The following PAFAH1B1 variants were observed in gnomAD, a reference collection of about 807,000 sequenced individuals.
The protein encoded by PAFAH1B1 is platelet activating factor acetylhydrolase 1b regulatory subunit 1.
Under a neutral mutation model 57.5 loss-of-function variants are expected in PAFAH1B1, and 2 were observed. The ratio of observed to expected loss-of-function variants is 0.03; its 90% CI spans 0.01 to 0.11. The LOEUF (loss-of-function observed/expected upper bound fraction) is 0.11. Ranked by LOEUF, PAFAH1B1 falls within the 10% of genes least tolerant of loss-of-function variation. PAFAH1B1 has a pLI of 1.00. For missense variants in PAFAH1B1, 257 were observed against 512.0 expected, an observed-to-expected ratio of 0.50 and a Z score of 4.81; for synonymous variants, 152 against 169.6, an observed-to-expected ratio of 0.90 and a Z score of 0.81.
chr17:2,672,534 C>A, intron 6 of PAFAH1B1, 121 bp from the exon 7 acceptor site: 1 of 705,182 alleles, frequency 1.4e-6, no homozygotes, highest in South Asian at 1.5e-5. Flanking sequence ...GTATAAAATC[C>A]AGTGTATTTA....
chr17:2,673,484 A>G (rs931947889), intron 7 of PAFAH1B1, among the ~76,000 whole-genome samples: 1 of 151,364 alleles, frequency 6.6e-6, no homozygotes, highest in Non-Finnish European at 1.5e-5. Context: ...CTAAAAATAC[A>G]AAAAATTAGC....
chr17:2,666,369 A>G (rs2069106880), intron 4 of PAFAH1B1, among the ~76,000 whole-genome samples: 1 of 152,334 alleles, frequency 6.6e-6, no homozygotes, highest in South Asian at 2.1e-4. Context: ...GAAAGAATAC[A>G]TGGAGCCATT....
At chr17:2,607,919 CAA>C (rs905218258) in intron 1 of PAFAH1B1, among the ~76,000 whole-genome samples, 11 of 152,102 alleles carry the variant, frequency 7.2e-5, no homozygotes, top group African/African-American at 2.2e-4. Flanking sequence ...TATCTATAAA[CAA>C]TATATAGTAG....
intron 2 of PAFAH1B1, among the ~76,000 whole-genome samples, chr17:2,643,456 G>T (rs1485798417): frequency 2.0e-5 from 3 of 151,942 alleles, no homozygotes; most frequent in Non-Finnish European, 4.4e-5. Flanking sequence ...TGTAGAGATG[G>T]TCTCACTATG....
At chr17:2,624,428 G>A (rs1229658428) in intron 1 of PAFAH1B1, among the ~76,000 whole-genome samples, 1 of 152,124 alleles carries the variant, frequency 6.6e-6, no homozygotes, top group Non-Finnish European at 1.5e-5. Context: ...CCCGAAACTG[G>A]GAACAAGAAA....
chr17:2,652,424 A>C (rs2068874693), intron 2 of PAFAH1B1, among the ~76,000 whole-genome samples: 1 of 152,246 alleles, frequency 6.6e-6, no homozygotes, highest in Non-Finnish European at 1.5e-5. Context: ...CAAACAAAAC[A>C]AAACAAAAAC....
At chr17:2,647,926 C>T (rs1201479562) in intron 2 of PAFAH1B1, among the ~76,000 whole-genome samples, 5 of 151,986 alleles carry the variant, frequency 3.3e-5, no homozygotes, top group African/African-American at 1.2e-4. Context: ...ATGGGGTGAA[C>T]CCGGGAGGCA....
rs1320280047 is a variant in PAFAH1B1 at position 2,684,432 on chromosome 17, T to C, written c.*2630T>C. The C allele has an allele frequency of 6.6e-6, 1 of 152,620 alleles. No individual in the cohort carries two copies. The highest frequency in any genetic ancestry group is 2.4e-5 in the African/African-American group (1 of 41,432). The allele number at this position is 152,620 out of a possible 1,614,324, so 9.5% of individuals were successfully genotyped here. On this transcript the variant is annotated 3_prime_UTR_variant, in exon 11 of 11. Transcript: ENST00000397195. Reference sequence around the variant, plus strand: ...GGACTTTTATTAATTGGTTTAGAGGTTCACTGCTGCTTTGTCACTTTCTCA... The same window carrying C: ...GGACTTTTATTAATTGGTTTAGAGGCTCACTGCTGCTTTGTCACTTTCTCA...
chr17:2,656,893 TTC>T (rs2068943137), intron 2 of PAFAH1B1, among the ~76,000 whole-genome samples: 1 of 152,122 alleles, frequency 6.6e-6, no homozygotes, highest in Non-Finnish European at 1.5e-5. Context: ...TTCTAGCCAT[TTC>T]TCTCATTATT....
chr17:2,645,116 A>C (rs1420080374), intron 2 of PAFAH1B1, among the ~76,000 whole-genome samples: 1 of 152,034 alleles, frequency 6.6e-6, no homozygotes, highest in African/African-American at 2.4e-5. Context: ...TTGTGGTGGC[A>C]GGCACCTGTA....
chr17:2,595,592 A>G (rs982643514), intron 1 of PAFAH1B1, among the ~76,000 whole-genome samples: 2 of 152,110 alleles, frequency 1.3e-5, no homozygotes, highest in African/African-American at 4.8e-5. Context: ...TTTAATCTCT[A>G]ATGGGTGTCT....
intron 2 of PAFAH1B1, among the ~76,000 whole-genome samples, chr17:2,660,110 A>G (rs1313833570): frequency 6.6e-6 from 1 of 151,458 alleles, no homozygotes; most frequent in Non-Finnish European, 1.5e-5. Context: ...ACCTTCCCAG[A>G]GCCTTCAACA....
At chr17:2,668,421 T>C (rs973700200) in intron 5 of PAFAH1B1, among the ~76,000 whole-genome samples, 3 of 152,118 alleles carry the variant, frequency 2.0e-5, no homozygotes, top group Non-Finnish European at 4.4e-5. Flanking sequence ...GTGTGGTAGC[T>C]CATGCCTATA....
At chr17:2,669,143 C>T (rs1454164480) in intron 5 of PAFAH1B1, among the ~76,000 whole-genome samples, 1 of 151,988 alleles carries the variant, frequency 6.6e-6, no homozygotes, top group African/African-American at 2.4e-5. Flanking sequence ...CTTTTTGACC[C>T]ACTAATTGTT....
At chr17:2,634,729 G>C (rs2068599763) in intron 1 of PAFAH1B1, among the ~76,000 whole-genome samples, 1 of 151,844 alleles carries the variant, frequency 6.6e-6, no homozygotes, top group African/African-American at 2.4e-5. Context: ...ATAAAGACCT[G>C]AGTTTATTTT....
rs2068534359 is a variant in PAFAH1B1, at chr17:2,629,877, GT to G, written c.-190-8218del. On this transcript the variant is annotated intron_variant, in intron 1 of 10. Transcript: ENST00000397195. ...TTTAACCGCTGTTGCTTTAAAATTT[GT>G]TTTGTCTGATATGAGAATAGCTGCC... Among the ~76,000 whole-genome samples, 3 of 152,196 alleles carry G rather than the reference GT, an allele frequency of 2.0e-5. No homozygotes were observed. The South Asian group carries it at 6.2e-4, about 31-fold the overall frequency.
At chr17:2,621,620 T>G (rs1265693085) in intron 1 of PAFAH1B1, among the ~76,000 whole-genome samples, 1 of 66,088 alleles carries the variant, frequency 1.5e-5, no homozygotes, top group Non-Finnish European at 3.3e-5. Context: ...TTTTTTTTTT[T>G]TTTTTTTTTT....
intron 1 of PAFAH1B1, among the ~76,000 whole-genome samples, chr17:2,629,993 C>T (rs2068535646): frequency 6.6e-6 from 1 of 152,164 alleles, no homozygotes; most frequent in South Asian, 2.1e-4. Context: ...TTAGGTGAGT[C>T]TCCTGAACAG....
chr17:2,642,199 A>G (rs2068704164), intron 2 of PAFAH1B1: 1 of 152,314 alleles, frequency 6.6e-6, no homozygotes, highest in South Asian at 2.1e-4. Flanking sequence ...CTGACTCCCA[A>G]TAATATCAAT....
Sources: gnomAD v4.1 joint callset for allele counts (sites outside exome capture counted in the v4.1 genomes callset) on GRCh38, gnomAD v4.1.1 for gene constraint, MANE v1.5 for transcripts, NCBI Gene and HGNC (gene_info 2026-07-23, HGNC 2026-07-21) for gene names.